DLGAP1: variants seen among roughly 807,000 people sequenced by gnomAD.
The protein encoded by DLGAP1 is DLG associated protein 1, also known as disks large-associated protein 1.
In DLGAP1, 11 loss-of-function variants were observed where a neutral mutation model predicts 90.8. That is an observed-to-expected ratio of 0.12 (90% confidence interval 0.08 to 0.20). The LOEUF (loss-of-function observed/expected upper bound fraction) is 0.20, where lower values mean the gene tolerates loss of function less well. Among genes scored for constraint, DLGAP1 ranks in the 10% least tolerant of loss-of-function variants. The pLI, the probability that DLGAP1 is intolerant of heterozygous loss-of-function variation, is 1.00. For synonymous variants in DLGAP1, 558 were observed against 540.7 expected (o/e 1.03, Z -0.44); for missense variants, 1,050 against 1,333.8 (o/e 0.79, Z 3.31).
intron 1 of DLGAP1, among the ~76,000 whole-genome samples, chr18:4,403,919 C>T (rs1034307604): frequency 6.6e-6 from 1 of 151,910 alleles, no homozygotes; most frequent in African/African-American, 2.4e-5. Flanking sequence ...CCCTGGCTCC[C>T]TTCTGCAGCC....
At position 4,265,662 on chromosome 18, in the gene DLGAP1, TC is replaced by T. The variant is rs1555774505; in HGVS notation, c.-266-114376del. Among the ~76,000 whole-genome samples the T allele has an allele frequency of 1.8e-4, 10 of 54,224 alleles. 1 individual carries two copies. The highest frequency in any genetic ancestry group is 2.8e-4 in the Non-Finnish European group (10 of 35,170). 35.6% of individuals were successfully genotyped at this position (54,224 alleles called of 152,430 possible). A position where few individuals can be genotyped will look rare whatever the true frequency, so the allele number is the denominator to read the frequency against. On this transcript the variant is annotated intron_variant, in intron 1 of 12. Coordinates refer to ENST00000315677, the MANE Select transcript of DLGAP1 (RefSeq NM_004746.4). ...CCCCTTCCCTCCCTCCCTCCCTCCCTCCCTTCCTTCCTTCCTTCCTTCCTTC... is the reference window on the plus strand; with the variant it reads ...CCCCTTCCCTCCCTCCCTCCCTCCCTCCTTCCTTCCTTCCTTCCTTCCTTC...
intron 1 of DLGAP1, among the ~76,000 whole-genome samples, chr18:4,403,369 T>C (rs994774764): frequency 1.3e-5 from 2 of 152,242 alleles, no homozygotes; most frequent in Non-Finnish European, 2.9e-5. Flanking sequence ...ACCCACATAA[T>C]GAAAATTCTA....
intron 1 of DLGAP1, among the ~76,000 whole-genome samples, chr18:4,261,977 T>C (rs577284604): frequency 5.0e-4 from 76 of 152,332 alleles, no homozygotes; most frequent in Non-Finnish European, 9.6e-4. Context: ...TTAACCATCA[T>C]TGATAGTGCA....
rs934905950 is a variant in DLGAP1, at chr18:3,653,227, T to C, written c.1592-70979A>G. 2.6e-5 allele frequency among the ~76,000 whole-genome samples: 4 copies of C among 152,208 alleles called. No individual in the cohort carries two copies. Among genetic ancestry groups the C allele is most frequent in the African/African-American group, 9.6e-5 (4 of 41,458 alleles). The stretch of plus-strand genomic sequence containing the variant: ...AATTCTTGCTGTGAGTGGTTTTTCC[T>C]TCCCTGCCATTGGTGCGACTGTTTC... On this transcript the variant is annotated intron_variant, in intron 7 of 12. Transcript: ENST00000315677. This position sits in a 1 kb window ranked among gnomAD's most constrained non-coding sequence, Gnocchi z 4.6.
At chr18:3,754,055 C>G (rs1261388216) in intron 5 of DLGAP1, among the ~76,000 whole-genome samples, 3 of 152,144 alleles carry the variant, frequency 2.0e-5, no homozygotes, top group African/African-American at 7.2e-5. Flanking sequence ...GGCTAGAGTG[C>G]AGTGGCATGA....
intron 2 of DLGAP1, among the ~76,000 whole-genome samples, chr18:4,094,607 C>CTTTCT (rs2075644375): frequency 5.6e-5 from 7 of 124,836 alleles, no homozygotes; most frequent in South Asian, 2.6e-4. Flanking sequence ...CTTTCTCTTT[C>CTTTCT]TTTTTTTTTT....
chr18:3,934,125 A>G (rs1209994432), intron 3 of DLGAP1, among the ~76,000 whole-genome samples: 4 of 152,210 alleles, frequency 2.6e-5, no homozygotes, highest in African/African-American at 9.6e-5. Context: ...AAAATGGAAC[A>G]GTATTTACTA....
chr18:3,647,441 T>C (rs1277156434), intron 7 of DLGAP1, among the ~76,000 whole-genome samples: 2 of 151,548 alleles, frequency 1.3e-5, no homozygotes, highest in Non-Finnish European at 2.9e-5. Flanking sequence ...TACTAGGTAC[T>C]TCAACATTAT....
At position 3,957,826 on chromosome 18, in the gene DLGAP1, C is replaced by T. The variant is rs536407004; in HGVS notation, c.-73+47290G>A. Among the ~76,000 whole-genome samples the T allele has an allele frequency of 2.6e-5, 4 of 151,696 alleles. No homozygotes were observed. In the East Asian group the frequency reaches 5.8e-4, roughly 22 times the overall value. On this transcript the variant is annotated intron_variant, in intron 3 of 12. Coordinates refer to ENST00000315677, the MANE Select transcript of DLGAP1 (RefSeq NM_004746.4). The stretch of plus-strand genomic sequence containing the variant: ...TTATATGGAGCCCAGTATGGGAATC[C>T]TAAAGTGTGTATTTGATAAAGGTAC...
rs115267342 is a variant in DLGAP1 at position 4,108,494 on chromosome 18, T to C, written c.-159+42686A>G. Reference sequence around the variant, plus strand: ...TCTCAGCCATGAACCTGTAATTGGATGAGGAAAAGGTATTATCATTTCTCC... The same window carrying C: ...TCTCAGCCATGAACCTGTAATTGGACGAGGAAAAGGTATTATCATTTCTCC... On this transcript the variant is annotated intron_variant, in intron 2 of 12. Transcript: ENST00000315677. Among the ~76,000 whole-genome samples, 278 of 151,874 alleles carry C rather than the reference T, an allele frequency of 1.8e-3. 2 individuals are homozygous for C. Among genetic ancestry groups the C allele is most frequent in the African/African-American group, 6.5e-3 (269 of 41,350 alleles).
intron 7 of DLGAP1, among the ~76,000 whole-genome samples, chr18:3,673,000 T>A (rs866584377): frequency 2.0e-5 from 3 of 152,168 alleles, no homozygotes; most frequent in South Asian, 2.1e-4. Context: ...TTATTCTACA[T>A]TAAAGTGAAT....
At chr18:4,156,659 T>C (rs1368502983) in intron 1 of DLGAP1, among the ~76,000 whole-genome samples, 2 of 152,162 alleles carry the variant, frequency 1.3e-5, no homozygotes, top group African/African-American at 4.8e-5. Context: ...TTTGTTTGGA[T>C]AGGAGATGAA....
intron 1 of DLGAP1, among the ~76,000 whole-genome samples, chr18:4,384,611 T>C (rs1217997704): frequency 3.3e-5 from 5 of 152,154 alleles, no homozygotes; most frequent in Non-Finnish European, 7.4e-5. Context: ...ACTCTCTCTA[T>C]ATTTCCTCGT....
At chr18:3,535,316 C>A (rs1371967808) in intron 9 of DLGAP1, among the ~76,000 whole-genome samples, 2 of 152,170 alleles carry the variant, frequency 1.3e-5, no homozygotes, top group Non-Finnish European at 2.9e-5. Context: ...TGTCCAACTT[C>A]CTCCCCAAAT....
intron 5 of DLGAP1, among the ~76,000 whole-genome samples, chr18:3,746,469 T>G (rs571858150): frequency 6.6e-6 from 1 of 152,116 alleles, no homozygotes; most frequent in Non-Finnish European, 1.5e-5. Context: ...TGAATGGAAG[T>G]ACATGAAAAT....
At chr18:3,535,694 T>A (rs1289284029) in intron 9 of DLGAP1, among the ~76,000 whole-genome samples, 1 of 136,968 alleles carries the variant, frequency 7.3e-6, no homozygotes, top group East Asian at 2.2e-4. Context: ...GGTGACAGAG[T>A]GAGATTCTGT....
chr18:3,685,300 G>A (rs988099554), intron 7 of DLGAP1, among the ~76,000 whole-genome samples: 3 of 152,086 alleles, frequency 2.0e-5, no homozygotes, highest in Non-Finnish European at 4.4e-5. Context: ...GGTGGCTCAT[G>A]CCTATAATCC....
At chr18:3,539,959 T>C (rs1238599256) in intron 9 of DLGAP1, among the ~76,000 whole-genome samples, 1 of 152,214 alleles carries the variant, frequency 6.6e-6, no homozygotes, top group Non-Finnish European at 1.5e-5. Flanking sequence ...TCTGCTATTC[T>C]TTCTTTCTTT....
chr18:3,502,083 C>T (rs1329497782), intron 12 of DLGAP1: 1 of 899,776 alleles, frequency 1.1e-6, no homozygotes, highest in African/African-American at 1.8e-5. Flanking sequence ...AGTTATTTTT[C>T]AGGGCATCCT....
Sources: gnomAD v4.1 joint callset for allele counts (sites outside exome capture counted in the v4.1 genomes callset) on GRCh38, gnomAD v4.1.1 for gene constraint, Gnocchi (gnomAD v3.1) non-coding constraint, MANE v1.5 for transcripts, NCBI Gene and HGNC (gene_info 2026-07-23, HGNC 2026-07-21) for gene names.